The following PIBF1 variants were observed in gnomAD, a reference collection of about 807,000 sequenced individuals.
The protein encoded by PIBF1 is progesterone immunomodulatory binding factor 1.
A neutral mutation model predicts 112.5 loss-of-function variants in PIBF1; 90 were observed. The observed-to-expected ratio is 0.80, with a 90% CI of 0.67 to 0.95. The LOEUF (loss-of-function observed/expected upper bound fraction) is 0.95. PIBF1 is among the 40% of genes least tolerant of loss of function. The probability of loss-of-function intolerance (pLI) is 0.00; values close to 1 mark genes in which losing one functional copy is unlikely to be tolerated. For synonymous variants in PIBF1, 301 were observed against 288.6 expected (o/e 1.04, Z -0.44); for missense variants, 915 against 852.3 (o/e 1.07, Z -0.92).
intron 9 of PIBF1, among the ~76,000 whole-genome samples, chr13:72,838,958 G>A (rs1481279872): frequency 1.3e-5 from 2 of 152,184 alleles, no homozygotes; most frequent in African/African-American, 2.4e-5. Flanking sequence ...TAGACTGAGA[G>A]GCAGGGAGTT....
intron 16 of PIBF1, among the ~76,000 whole-genome samples, chr13:72,995,965 G>T (rs1594339943): frequency 7.0e-6 from 1 of 143,526 alleles, no homozygotes; most frequent in Non-Finnish European, 1.5e-5. Context: ...AAAAAGAAAA[G>T]AAAAACCACA....
intron 13 of PIBF1, among the ~76,000 whole-genome samples, chr13:72,927,301 C>T (rs181496471): frequency 6.6e-6 from 1 of 152,104 alleles, no homozygotes; most frequent in East Asian, 1.9e-4. Flanking sequence ...GTCAGGAGAT[C>T]GAGACCATCT....
At chr13:72,981,101 C>A (rs939662477) in intron 16 of PIBF1, among the ~76,000 whole-genome samples, 1 of 151,330 alleles carries the variant, frequency 6.6e-6, no homozygotes, top group Non-Finnish European at 1.5e-5. Context: ...AAAAATTCGC[C>A]GGGCGTGGTG....
intron 2 of PIBF1, among the ~76,000 whole-genome samples, chr13:72,783,979 A>G (rs1045500009): frequency 1.3e-5 from 2 of 152,262 alleles, no homozygotes; most frequent in Admixed American, 1.3e-4. Context: ...AATAGGAGGA[A>G]TACATTCAAG....
chr13:72,892,785 T>TATACACACAC (rs1555307841), intron 10 of PIBF1, among the ~76,000 whole-genome samples: 1 of 140,710 alleles, frequency 7.1e-6, no homozygotes, highest in Non-Finnish European at 1.5e-5. Context: ...CCTCCTGCCT[T>TATACACACAC]ACACACACAC....
chr13:72,986,974 A>C (rs1380267855), intron 16 of PIBF1, among the ~76,000 whole-genome samples: 1 of 151,706 alleles, frequency 6.6e-6, no homozygotes, highest in Non-Finnish European at 1.5e-5. Flanking sequence ...TACAGGCGTG[A>C]GCCACCGCGC....
chr13:72,960,686 G>A (rs985123937), intron 14 of PIBF1, among the ~76,000 whole-genome samples: 7 of 152,162 alleles, frequency 4.6e-5, no homozygotes, highest in Non-Finnish European at 7.4e-5. Flanking sequence ...AAAGCAACTT[G>A]TCAGTTCAGT....
At chr13:72,790,455 ACACACACACTTATAGATAGAT>A (rs1232787624) in intron 2 of PIBF1, among the ~76,000 whole-genome samples, 23 of 134,940 alleles carry the variant, frequency 1.7e-4, no homozygotes, top group Non-Finnish European at 3.6e-4. Flanking sequence ...ACACACACAC[ACACACACACTTATAGATAGAT>A]CACACACACC....
At chr13:72,877,753 CTTTT>C (rs569331110) in intron 10 of PIBF1, among the ~76,000 whole-genome samples, 1 of 139,990 alleles carries the variant, frequency 7.1e-6, no homozygotes, top group Admixed American at 7.2e-5. Context: ...CTTTTCTTTT[CTTTT>C]TTTTTTTTTG....
At chr13:72,927,950 T>TATAC (rs1310228207) in intron 13 of PIBF1, among the ~76,000 whole-genome samples, 4 of 64,252 alleles carry the variant, frequency 6.2e-5, no homozygotes, top group African/African-American at 2.5e-4. Flanking sequence ...TGTGTGTATA[T>TATAC]ATATATATAC....
At chr13:72,845,528 C>T (rs2037831155) in intron 9 of PIBF1, among the ~76,000 whole-genome samples, 1 of 151,968 alleles carries the variant, frequency 6.6e-6, no homozygotes, top group Non-Finnish European at 1.5e-5. Context: ...TTGGTATATA[C>T]CTAGTAATGG....
intron 12 of PIBF1, among the ~76,000 whole-genome samples, chr13:72,910,349 A>T (rs531115629): frequency 8.5e-5 from 13 of 152,226 alleles, no homozygotes; most frequent in Admixed American, 5.2e-4. Context: ...GATTAGACTC[A>T]TGTTTATCTT....
At chr13:72,931,863 G>A (rs1478514283) in intron 14 of PIBF1, among the ~76,000 whole-genome samples, 2 of 147,938 alleles carry the variant, frequency 1.4e-5, no homozygotes, top group Admixed American at 1.4e-4. Context: ...CTTTGCTAAT[G>A]TTCCTTTTAT....
chr13:72,906,994 AT>A (rs1247204817), intron 11 of PIBF1, among the ~76,000 whole-genome samples: 2 of 152,206 alleles, frequency 1.3e-5, no homozygotes, highest in African/African-American at 4.8e-5. Context: ...CTGAGTAATG[AT>A]TTTTTTATAA....
intron 11 of PIBF1, among the ~76,000 whole-genome samples, chr13:72,901,398 A>G (rs1185168646): frequency 6.6e-6 from 1 of 152,038 alleles, no homozygotes; most frequent in African/African-American, 2.4e-5. Flanking sequence ...AAAGAATCAA[A>G]AAGCAGTAGG....
chr13:72,911,738 A>G (rs1451740595), intron 12 of PIBF1, among the ~76,000 whole-genome samples: 1 of 152,216 alleles, frequency 6.6e-6, no homozygotes, highest in East Asian at 1.9e-4. Flanking sequence ...ATGATACCCA[A>G]AATAAGAAAA....
intron 10 of PIBF1, among the ~76,000 whole-genome samples, chr13:72,875,254 C>T (rs1405056945): frequency 2.0e-5 from 3 of 152,138 alleles, no homozygotes; most frequent in Admixed American, 2.0e-4. Flanking sequence ...TCTTTCAGTG[C>T]TGAATAGTAT....
At chr13:72,855,001 C>A (rs965624094) in intron 10 of PIBF1, among the ~76,000 whole-genome samples, 1 of 152,064 alleles carries the variant, frequency 6.6e-6, no homozygotes, top group African/African-American at 2.4e-5. Flanking sequence ...TCTACACTTT[C>A]AATTGTTTGA....
At chr13:72,892,938 C>T (rs1172973689) in intron 10 of PIBF1, among the ~76,000 whole-genome samples, 1 of 152,134 alleles carries the variant, frequency 6.6e-6, no homozygotes, top group Non-Finnish European at 1.5e-5. Flanking sequence ...CTGTTTTCCC[C>T]AGAAAACTAT....
Sources: allele counts gnomAD v4.1 joint callset (sites outside exome capture counted in the v4.1 genomes callset), GRCh38; gene constraint gnomAD v4.1.1; transcripts MANE v1.5; gene names NCBI Gene and HGNC (gene_info 2026-07-23, HGNC 2026-07-21).